Variants in HTRA2 observed in about 807,000 individuals in gnomAD.
HTRA2 encodes HtrA serine peptidase 2, also known as serine protease HTRA2, mitochondrial.
Under a neutral mutation model 42.2 loss-of-function variants are expected in HTRA2, and 24 were observed. That is an observed-to-expected ratio of 0.57 (90% CI 0.41 to 0.80). The LOEUF (loss-of-function observed/expected upper bound fraction) is 0.80, where lower values mean the gene tolerates loss of function less well. HTRA2 is among the 30% of genes least tolerant of loss of function. The pLI is 0.00. For missense variants in HTRA2, 466 were observed against 613.5 expected, an observed-to-expected ratio of 0.76 and a Z score of 2.54; for synonymous variants, 245 against 255.8, an observed-to-expected ratio of 0.96 and a Z score of 0.40.
At position 74,530,125 on chromosome 2, in the gene HTRA2, C is replaced by T. The variant is rs754678893; in HGVS notation, c.119C>T (p.Thr40Met). 5.6e-6 allele frequency: 9 copies of T among 1,612,092 alleles called. No individual in the cohort carries two copies. In the South Asian group the frequency reaches 6.6e-5, roughly 12 times the overall value. Residue 40 changes from threonine to methionine, a missense_variant, in exon 1 of 8, where the codon ACG becomes ATG. Physicochemically the swap from Thr to Met is moderately conservative, Grantham distance 81. Transcript: ENST00000258080. The surrounding 1 kb of genome is among the most constrained non-coding windows in gnomAD (Gnocchi z 7.4). ...RLTPDLRALL[T>M]SGTSDPRARV... ...ACCCCTGACCTCCGGGCCCTGCTGA[C>T]GTCAGGAACTTCTGACCCCCGGGCC...
Position 74,530,074 on chromosome 2 carries a change from T to A in HTRA2, c.68T>A (p.Ile23Asn). The change falls in exon 1 of 8, where the codon ATT becomes AAT. Residue 23 changes from isoleucine (I) to asparagine (N), a missense_variant. By Grantham distance (149) the Ile-to-Asn change is moderately radical. Coordinates refer to ENST00000258080, the MANE Select transcript of HTRA2 (RefSeq NM_013247.5). The surrounding 1 kb of genome is among the most constrained non-coding windows in gnomAD (Gnocchi z 7.4). ...CGGGCATGGCGGGCTTTGGGGGGCA[T>A]TCGCTGGGGGAGGAGACCCCGTTTG... Reference protein sequence around the residue: ...SLRAWRALGGIRWGRRPRLTP... With the variant: ...SLRAWRALGGNRWGRRPRLTP... The A allele has an allele frequency of 6.3e-7, 1 of 1,591,526 alleles. No homozygotes were observed. Among genetic ancestry groups the A allele is most frequent in the Admixed American group, 1.7e-5 (1 of 59,254 alleles).
chr2:74,531,932 G>A lies in HTRA2; in HGVS notation c.1115+7G>A, dbSNP rs1346535917. On this transcript the variant is annotated splice_region_variant and intron_variant, in intron 6 of 7. Transcript: ENST00000258080. ...TGCTGACCCTGAGTCCCAGGTATGA[G>A]CTTTAGGGACAGTGACATGTAATGT... 8 of 1,613,768 alleles carry A rather than the reference G, an allele frequency of 5.0e-6. No individual in the cohort carries two copies. Among genetic ancestry groups the A allele is most frequent in the African/African-American group, 1.3e-5 (1 of 74,898 alleles).
chr2:74,532,763 T>G (rs937784523), intron 7 of HTRA2, 49 bp downstream of exon 7: 1 of 1,612,444 alleles, frequency 6.2e-7, no homozygotes, highest in Non-Finnish European at 8.5e-7. Context: ...GGTGTGCATG[T>G]GTCCTTGAAC....
chr2:74,532,063 C>T, intron 6 of HTRA2, 138 bp downstream of exon 6: 1 of 860,974 alleles, frequency 1.2e-6, no homozygotes, highest in South Asian at 1.4e-5. Context: ...GAGCTGTCTC[C>T]CTTCATCATC....
At position 74,530,032 on chromosome 2, in the gene HTRA2, G is replaced by T. The variant is rs745948813; in HGVS notation, c.26G>T (p.Gly9Val). Residue 9 changes from glycine (G) to valine (V), a missense_variant, in exon 1 of 8, where the codon GGT (glycine) becomes GTT (valine). Around this residue, in one of 3 missense-constraint regions of HTRA2, gnomAD observed 222 missense variants for 205.1 expected, o/e 1.08. Coordinates refer to ENST00000258080, the MANE Select transcript of HTRA2 (RefSeq NM_013247.5). This position sits in a 1 kb window ranked among gnomAD's most constrained non-coding sequence, Gnocchi z 7.4. Reference sequence around the variant, plus strand: ...ATGGCTGCGCCGAGGGCGGGGCGGGGTGCAGGCTGGAGCCTTCGGGCATGG... The same window carrying T: ...ATGGCTGCGCCGAGGGCGGGGCGGGTTGCAGGCTGGAGCCTTCGGGCATGG... Reference protein sequence around the residue: MAAPRAGRGAGWSLRAWRA... With the variant: MAAPRAGRVAGWSLRAWRA... The T allele has an allele frequency of 9.6e-6, 15 of 1,559,890 alleles. No individual in the cohort carries two copies. The African/African-American group carries it at 2.0e-4, about 21-fold the overall frequency.
Position 74,530,220 on chromosome 2 carries a change from C to T in HTRA2, c.214C>T (p.Leu72=), listed in dbSNP as rs1231833502. The T allele has an allele frequency of 1.9e-6, 3 of 1,610,550 alleles. No homozygotes were observed. In the East Asian group the frequency reaches 6.7e-5, roughly 36 times the overall value. ...TGGGGTCACTGAACCCCGAGCATGC[C>T]TGACGTCTGGGACCCCGGGTCCCCG... is the stretch of plus-strand genomic sequence containing the variant. The part of the protein sequence containing the change: ...SVGVTEPRAC[L]TSGTPGPRAQ... The change falls in exon 1 of 8, where the codon CTG becomes TTG. Residue 72 remains leucine, a synonymous_variant. Coordinates refer to ENST00000258080, the MANE Select transcript of HTRA2 (RefSeq NM_013247.5). The surrounding 1 kb of genome is among the most constrained non-coding windows in gnomAD (Gnocchi z 7.4).
In HTRA2 at chr2:74,530,939, G is replaced by T; in HGVS notation, c.740G>T (p.Arg247Leu). 1 of 1,614,174 alleles carries T rather than the reference G, an allele frequency of 6.2e-7. No individual in the cohort carries two copies. The highest frequency in any genetic ancestry group is 8.5e-7 in the Non-Finnish European group (1 of 1,180,038). Residue 247 changes from arginine (R) to leucine (L), a missense_variant, in exon 3 of 8, where the codon CGC becomes CTC. Coordinates refer to ENST00000258080, the MANE Select transcript of HTRA2 (RefSeq NM_013247.5). The surrounding 1 kb of genome is among the most constrained non-coding windows in gnomAD (Gnocchi z 7.4). ...CCTCTCCCCACGCTGCCTCTGGGAC[G>T]CTCAGCTGATGTCCGGCAAGGGGAG... Reference protein sequence around the residue: ...KEPLPTLPLGRSADVRQGEFV... With the variant: ...KEPLPTLPLGLSADVRQGEFV...
chr2:74,533,449 G>A, downstream of HTRA2: 1 of 643,478 alleles, frequency 1.6e-6, no homozygotes, highest in Non-Finnish European at 2.7e-6. Context: ...GGCCTCTGAA[G>A]GAGGGTGAAA....
At chr2:74,531,467 G>A (rs1160097423) in intron 4 of HTRA2, 96 bp downstream of exon 4, 1 of 1,607,186 alleles carries the variant, frequency 6.2e-7, no homozygotes, top group African/African-American at 1.3e-5. Context: ...TCAAGTTTCT[G>A]AGCAGTTCTT....
At chr2:74,532,782 G>A (rs747794608) in intron 7 of HTRA2, 38 bp from the exon 8 acceptor site, 3 of 1,613,934 alleles carry the variant, frequency 1.9e-6, no homozygotes, top group Non-Finnish European at 8.5e-7. Flanking sequence ...ACTAGGCTTT[G>A]TACTCCTTCC....
chr2:74,531,376 G>A lies in HTRA2; in HGVS notation c.939+5G>A. Reference sequence around the variant, plus strand: ...GGAGGTCCCCTGGTTAACCTGGTGAGTGAGACATCCTTCCTTCCAAGAATC... The same window carrying A: ...GGAGGTCCCCTGGTTAACCTGGTGAATGAGACATCCTTCCTTCCAAGAATC... On this transcript the variant is annotated splice_donor_5th_base_variant and intron_variant, in intron 4 of 7. Transcript: ENST00000258080. The A allele has an allele frequency of 6.2e-7, 1 of 1,614,102 alleles. No individual in the cohort carries two copies. Among genetic ancestry groups the A allele is most frequent in the Non-Finnish European group, 8.5e-7 (1 of 1,179,954 alleles).
Position 74,531,146 on chromosome 2 carries a change from G to C in HTRA2, c.906+41G>C, listed in dbSNP as rs754816436. 26 of 1,603,026 alleles carry C rather than the reference G, an allele frequency of 1.6e-5. No homozygotes were observed. The East Asian group carries it at 2.7e-4, about 16-fold the overall frequency. On this transcript the variant is annotated intron_variant, in intron 3 of 7. Coordinates refer to ENST00000258080, the MANE Select transcript of HTRA2 (RefSeq NM_013247.5). ...AGAGAAATGACAAATGATGGGGGAG[G>C]GGGGAGAGGCTGTGTGGTACAAGCA...
chr2:74,531,425 G>A (rs752661709), intron 4 of HTRA2, 54 bp downstream of exon 4: 10 of 1,607,786 alleles, frequency 6.2e-6, no homozygotes, highest in Middle Eastern at 1.6e-4. Context: ...AGTGTGGGAA[G>A]GGTAGGTTTC....
Position 74,533,080 on chromosome 2 carries a change from C to G in HTRA2, c.*95C>G, listed in dbSNP as rs1675743334. The G allele has an allele frequency of 8.3e-7, 1 of 1,202,102 alleles. No individual in the cohort carries two copies. The highest frequency in any genetic ancestry group is 1.2e-6 in the Non-Finnish European group (1 of 821,946). 74.5% of individuals were successfully genotyped at this position (1,202,102 alleles called of 1,614,324 possible). A position where few individuals can be genotyped will look rare whatever the true frequency, so the allele number is the denominator to read the frequency against. On this transcript the variant is annotated 3_prime_UTR_variant, in exon 8 of 8. Transcript: ENST00000258080. ...CACCGAGACAGAGGGTTAAATGAAC[C>G]AGTGGGGGCAGGTCCCTCCAACCAC...
In HTRA2 at chr2:74,530,963, A is replaced by G; in HGVS notation, c.764A>G (p.Glu255Gly). ...LGRSADVRQG[E>G]FVVAMGSPFA... ...CGCTCAGCTGATGTCCGGCAAGGGG[A>G]GTTTGTTGTTGCCATGGGAAGTCCC... The change falls in exon 3 of 8, where the codon GAG (glutamate) becomes GGG (glycine). Residue 255 changes from glutamate to glycine, a missense_variant. Glu to Gly is a moderately conservative substitution (Grantham distance 98, BLOSUM62 -2). Transcript: ENST00000258080. The surrounding 1 kb of genome is among the most constrained non-coding windows in gnomAD (Gnocchi z 7.4). 6.2e-7 allele frequency: 1 copy of G among 1,614,048 alleles called. No individual in the cohort carries two copies. The highest frequency in any genetic ancestry group is 8.5e-7 in the Non-Finnish European group (1 of 1,180,018).
In HTRA2 at chr2:74,529,956, T is replaced by C; in HGVS notation, c.-51T>C. On this transcript the variant is annotated 5_prime_UTR_variant, in exon 1 of 8. Transcript: ENST00000258080. Reference sequence around the variant, plus strand: ...TCCTACTGTCCGCCTGCTCGCGTCCTGGGTGCCGCCTCTGAGTAGGGCGGG... The same window carrying C: ...TCCTACTGTCCGCCTGCTCGCGTCCCGGGTGCCGCCTCTGAGTAGGGCGGG... 5 of 1,499,142 alleles carry C rather than the reference T, an allele frequency of 3.3e-6. No individual in the cohort carries two copies. The highest frequency in any genetic ancestry group is 4.4e-6 in the Non-Finnish European group (5 of 1,128,720). 92.9% of individuals were successfully genotyped at this position (1,499,142 alleles called of 1,614,324 possible). A position where few individuals can be genotyped will look rare whatever the true frequency, so the allele number is the denominator to read the frequency against.
upstream of HTRA2, chr2:74,529,791 G>C: frequency 7.0e-7 from 1 of 1,436,582 alleles, no homozygotes; most frequent in Non-Finnish European, 9.1e-7. Flanking sequence ...CATACCCCGC[G>C]GCCCCTTGGG....
In HTRA2 at chr2:74,531,124, G is replaced by T; in HGVS notation, c.906+19G>T. 6.2e-7 allele frequency: 1 copy of T among 1,613,322 alleles called. No individual in the cohort carries two copies. The highest frequency in any genetic ancestry group is 8.5e-7 in the Non-Finnish European group (1 of 1,179,406). ...TATTGATGTGCGTCCTGATAGGAGA[G>T]AAATGACAAATGATGGGGGAGGGGG... On this transcript the variant is annotated intron_variant, in intron 3 of 7. Transcript: ENST00000258080.
At chr2:74,529,735 G>C, upstream of HTRA2, 1 of 1,519,882 alleles carries the variant, frequency 6.6e-7, no homozygotes, top group South Asian at 1.2e-5. Flanking sequence ...CCCGGGGTGA[G>C]GGGACCCGAA....
Sources: allele counts gnomAD v4.1 joint callset, GRCh38; gene constraint gnomAD v4.1.1; regional missense constraint gnomAD v4.1.1; non-coding constraint Gnocchi (gnomAD v3.1); transcripts MANE v1.5; gene names NCBI Gene and HGNC (gene_info 2026-07-23, HGNC 2026-07-21).